The following CUX1 variants were observed in gnomAD, a reference collection of about 807,000 sequenced individuals.
CUX1 encodes cut like homeobox 1, also known as protein CASP.
Under a neutral mutation model 158.8 loss-of-function variants are expected in CUX1, and 31 were observed. That is an observed-to-expected ratio of 0.20 (90% CI 0.15 to 0.26). The LOEUF is 0.26. Among genes scored for constraint, CUX1 ranks in the 10% least tolerant of loss-of-function variants. The probability of loss-of-function intolerance (pLI) is 1.00; values close to 1 mark genes in which losing one functional copy is unlikely to be tolerated. For missense variants in CUX1, 1,589 were observed against 2,014.6 expected, an observed-to-expected ratio of 0.79 and a Z score of 4.04; for synonymous variants, 879 against 862.1, an observed-to-expected ratio of 1.02 and a Z score of -0.34.
At chr7:102,131,951 C>T (rs1371307857) in intron 8 of CUX1, among the ~76,000 whole-genome samples, 2 of 152,064 alleles carry the variant, frequency 1.3e-5, no homozygotes, top group Admixed American at 6.6e-5. Context: ...GGATTACAGG[C>T]GTGAGCCACC....
chr7:101,818,709 CTT>C (rs1463405026), intron 1 of CUX1, among the ~76,000 whole-genome samples: 2 of 152,190 alleles, frequency 1.3e-5, no homozygotes, highest in Non-Finnish European at 2.9e-5. Flanking sequence ...GGTTTGCAAA[CTT>C]TAGTCGAATA....
rs548042110 is a variant in CUX1 at position 101,970,362 on chromosome 7, G to A, written c.141+54137G>A. On this transcript the variant is annotated intron_variant, in intron 2 of 23. Coordinates refer to ENST00000292535, the MANE Select transcript of CUX1 (RefSeq NM_181552.4). ...GCCTGACCCTTCCTTAGCTTGGCCC[G>A]GGGGTGCGTTGGAGGGGGCTGTTCC... 1.7e-4 allele frequency among the ~76,000 whole-genome samples: 26 copies of A among 152,066 alleles called. 1 individual carries two copies. In the South Asian group the frequency reaches 3.5e-3, roughly 21 times the overall value.
At chr7:101,818,640 C>T (rs377607168) in intron 1 of CUX1, among the ~76,000 whole-genome samples, 25 of 152,174 alleles carry the variant, frequency 1.6e-4, no homozygotes, top group East Asian at 9.6e-4. Flanking sequence ...AACTTCATTC[C>T]TCTTTACTCC....
At chr7:102,216,139 A>C (rs1436543088) in intron 20 of CUX1, among the ~76,000 whole-genome samples, 2 of 152,164 alleles carry the variant, frequency 1.3e-5, no homozygotes, top group African/African-American at 2.4e-5. Flanking sequence ...CCCCATCTCT[A>C]CAAAAAATAC....
At chr7:102,030,014 C>CTT (rs1193128464) in intron 3 of CUX1, among the ~76,000 whole-genome samples, 2 of 142,072 alleles carry the variant, frequency 1.4e-5, no homozygotes, top group Admixed American at 7.1e-5. Context: ...TACCTGTATG[C>CTT]TTTTTTTTTT....
chr7:102,239,235 C>T, intron 22 of CUX1, 85 bp from the exon 23 acceptor site: 2 of 1,465,684 alleles, frequency 1.4e-6, no homozygotes, highest in South Asian at 1.4e-5. Flanking sequence ...CAAGCCGGCA[C>T]TGTGCCGTCC....
intron 1 of CUX1, among the ~76,000 whole-genome samples, chr7:101,836,746 C>T (rs555413378): frequency 6.8e-6 from 1 of 148,142 alleles, no homozygotes; most frequent in Admixed American, 6.7e-5. Context: ...GTGGGCATTA[C>T]ACTTTGTTTT....
intron 9 of CUX1, among the ~76,000 whole-genome samples, chr7:102,169,186 G>A (rs782697193): frequency 2.8e-4 from 42 of 152,006 alleles, no homozygotes; most frequent in Non-Finnish European, 5.0e-4. Flanking sequence ...GCCCACTTCA[G>A]TCTCCCAAAG....
intron 8 of CUX1, among the ~76,000 whole-genome samples, chr7:102,150,186 C>T (rs549108018): frequency 2.0e-5 from 3 of 152,192 alleles, no homozygotes; most frequent in Admixed American, 6.5e-5. Flanking sequence ...GACAGGGTCT[C>T]GCTCTGGTAC....
intron 8 of CUX1, among the ~76,000 whole-genome samples, chr7:102,135,702 C>T (rs782384317): frequency 7.2e-5 from 11 of 152,066 alleles, no homozygotes; most frequent in African/African-American, 2.2e-4. Context: ...AGGCCAGGCA[C>T]GGTGGCTCAT....
chr7:102,066,682 C>T (rs574218265), intron 3 of CUX1, among the ~76,000 whole-genome samples: 43 of 152,182 alleles, frequency 2.8e-4, no homozygotes, highest in Non-Finnish European at 5.6e-4. Flanking sequence ...GCAGCCAGGG[C>T]GTCTGCCCAG....
intron 6 of CUX1, 26 bp downstream of exon 6, chr7:102,104,485 A>G (rs1563248723): frequency 6.2e-7 from 1 of 1,608,752 alleles, no homozygotes; most frequent in Non-Finnish European, 8.5e-7. Context: ...AGGCACACAC[A>G]GACTGACATA....
intron 8 of CUX1, among the ~76,000 whole-genome samples, chr7:102,139,159 C>T (rs1554499509): frequency 1.3e-5 from 2 of 149,446 alleles, no homozygotes; most frequent in Non-Finnish European, 3.0e-5. Flanking sequence ...ACCCGGGAAT[C>T]ACTTGAACCC....
At chr7:102,261,712 G>C (rs1790414353), downstream of CUX1, among the ~76,000 whole-genome samples, 1 of 152,092 alleles carries the variant, frequency 6.6e-6, no homozygotes, top group Non-Finnish European at 1.5e-5. Context: ...GCGTCTCTTA[G>C]TGGCTGATGA....
intron 16 of CUX1, among the ~76,000 whole-genome samples, chr7:102,275,051 T>G (rs1193462378): frequency 2.0e-5 from 3 of 152,086 alleles, no homozygotes; most frequent in Non-Finnish European, 4.4e-5. Flanking sequence ...CTGCCATCCA[T>G]TCTCACGCTC....
chr7:102,032,841 G>T (rs1820951603), intron 3 of CUX1, among the ~76,000 whole-genome samples: 1 of 152,250 alleles, frequency 6.6e-6, no homozygotes, highest in South Asian at 2.1e-4. Context: ...TGGGTGGTGT[G>T]GGGGAGGTGT....
At chr7:102,136,802 C>T (rs1217018421) in intron 8 of CUX1, among the ~76,000 whole-genome samples, 1 of 152,170 alleles carries the variant, frequency 6.6e-6, no homozygotes, top group Admixed American at 6.5e-5. Context: ...TTTTGTAATC[C>T]AATTTTTCTA....
At chr7:102,275,596 A>T (rs1391867123) in intron 17 of CUX1, among the ~76,000 whole-genome samples, 1 of 152,170 alleles carries the variant, frequency 6.6e-6, no homozygotes, top group Non-Finnish European at 1.5e-5. Context: ...GGGAGCATAG[A>T]TCATTCCAGG....
chr7:101,932,914 A>ATATTTG (rs1439206550), intron 2 of CUX1, among the ~76,000 whole-genome samples: 1 of 152,234 alleles, frequency 6.6e-6, no homozygotes, highest in Non-Finnish European at 1.5e-5. Flanking sequence ...AGGAGAGGTG[A>ATATTTG]TATTTGTATT....
Sources: allele counts gnomAD v4.1 joint callset (sites outside exome capture counted in the v4.1 genomes callset), GRCh38; gene constraint gnomAD v4.1.1; transcripts MANE v1.5; gene names NCBI Gene and HGNC (gene_info 2026-07-23, HGNC 2026-07-21).